The following RBMS2 variants were observed in gnomAD, a reference collection of about 807,000 sequenced individuals.
RBMS2 encodes the protein RNA binding motif single stranded interacting protein 2, also known as RNA-binding motif, single-stranded-interacting protein 2.
RBMS2 carries 38 observed loss-of-function variants against 58.4 expected under a neutral mutation model. The ratio of observed to expected loss-of-function variants is 0.65; its 90% CI spans 0.50 to 0.85. The LOEUF (loss-of-function observed/expected upper bound fraction) is 0.85, where lower values mean the gene tolerates loss of function less well. Ranked by LOEUF, RBMS2 falls within the 40% of genes least tolerant of loss-of-function variation. RBMS2 has a pLI of 0.00. For synonymous variants in RBMS2, 151 were observed against 180.7 expected, an observed-to-expected ratio of 0.84 and a Z score of 1.32; for missense variants, 367 against 503.7, an observed-to-expected ratio of 0.73 and a Z score of 2.60.
intron 1 of RBMS2, among the ~76,000 whole-genome samples, chr12:56,538,665 A>C: frequency 6.6e-6 from 1 of 151,484 alleles, no homozygotes; most frequent in African/African-American, 2.4e-5. Flanking sequence ...TATTTTTAGT[A>C]GAGATACGGT....
At chr12:56,580,636 A>G (rs1883816860) in intron 5 of RBMS2, among the ~76,000 whole-genome samples, 1 of 152,176 alleles carries the variant, frequency 6.6e-6, no homozygotes, top group Admixed American at 6.5e-5. Flanking sequence ...CTCCAACAAG[A>G]AACTAACTCA....
chr12:56,588,761 C>T (rs1364306386), intron 12 of RBMS2, 171 bp from the exon 13 acceptor site: 3 of 673,260 alleles, frequency 4.5e-6, no homozygotes, highest in African/African-American at 3.6e-5. Flanking sequence ...AGAGGACAGG[C>T]TGTAGGAAGG....
At position 56,592,134 on chromosome 12, in the gene RBMS2, G is replaced by T. The variant is rs552532720; in HGVS notation, c.*3001G>T. 5 of 152,326 alleles carry T rather than the reference G, an allele frequency of 3.3e-5. No homozygotes were observed. Among genetic ancestry groups the T allele is most frequent in the Admixed American group, 2.6e-4 (4 of 15,304 alleles). The allele number at this position is 152,326 out of a possible 1,614,324, so 9.4% of individuals were successfully genotyped here. A position where few individuals can be genotyped will look rare whatever the true frequency, so the allele number is the denominator to read the frequency against. On this transcript the variant is annotated 3_prime_UTR_variant, in exon 14 of 14. Transcript: ENST00000262031. ...GAAGGAAACATAGGGGAGCCTTCCAGCTCACAGCCAAGGGTTGGGCTCTTA... is the reference window on the plus strand; with the variant it reads ...GAAGGAAACATAGGGGAGCCTTCCATCTCACAGCCAAGGGTTGGGCTCTTA...
At chr12:56,562,379 G>A (rs745320664) in intron 1 of RBMS2, 38 bp from the exon 2 acceptor site, 1 of 1,546,802 alleles carries the variant, frequency 6.5e-7, no homozygotes. Flanking sequence ...ACATGTAAAT[G>A]GATAATCCTT....
At chr12:56,526,118 C>G (rs1024703662) in intron 1 of RBMS2, among the ~76,000 whole-genome samples, 1 of 151,590 alleles carries the variant, frequency 6.6e-6, no homozygotes, top group Non-Finnish European at 1.5e-5. Context: ...ACCAGCCTGG[C>G]CAACATGGTG....
chr12:56,543,748 A>G (rs1462091634), intron 1 of RBMS2, among the ~76,000 whole-genome samples: 1 of 150,902 alleles, frequency 6.6e-6, no homozygotes, highest in African/African-American at 2.4e-5. Flanking sequence ...GCTCACTGCA[A>G]CCTCCACCTC....
At chr12:56,565,367 T>A (rs965420402) in intron 2 of RBMS2, among the ~76,000 whole-genome samples, 1 of 152,220 alleles carries the variant, frequency 6.6e-6, no homozygotes, top group African/African-American at 2.4e-5. Context: ...GTTATTTTTT[T>A]AGTTTTTTTT....
At chr12:56,568,240 T>G (rs1881699145) in intron 2 of RBMS2, among the ~76,000 whole-genome samples, 1 of 151,328 alleles carries the variant, frequency 6.6e-6, no homozygotes. Flanking sequence ...TGTCTATAGT[T>G]TTTTCATAGG....
intron 1 of RBMS2, among the ~76,000 whole-genome samples, chr12:56,555,086 T>C (rs927979322): frequency 6.6e-6 from 1 of 151,900 alleles, no homozygotes; most frequent in Non-Finnish European, 1.5e-5. Flanking sequence ...AAAAAAAGAT[T>C]TAGGGCTTTG....
chr12:56,534,929 C>T (rs964202883), intron 1 of RBMS2, among the ~76,000 whole-genome samples: 3 of 152,202 alleles, frequency 2.0e-5, no homozygotes, highest in Non-Finnish European at 2.9e-5. Context: ...GCGTGAGACA[C>T]GGCGCCCAGC....
At chr12:56,586,997 G>A in intron 10 of RBMS2, 71 bp downstream of exon 10, 2 of 1,461,388 alleles carry the variant, frequency 1.4e-6, no homozygotes, top group Non-Finnish European at 1.9e-6. Context: ...TGGGCACTGT[G>A]GCTCACGCCT....
At chr12:56,569,354 A>G (rs1881908329) in intron 3 of RBMS2, among the ~76,000 whole-genome samples, 1 of 152,180 alleles carries the variant, frequency 6.6e-6, no homozygotes, top group Non-Finnish European at 1.5e-5. Context: ...AAAGTCATGT[A>G]AATGCCTTTT....
In RBMS2 at chr12:56,581,219, C is replaced by G; in HGVS notation, c.578C>G (p.Thr193Ser). 1 of 1,609,886 alleles carries G rather than the reference C, an allele frequency of 6.2e-7. No individual in the cohort carries two copies. Among genetic ancestry groups the G allele is most frequent in the Non-Finnish European group, 8.5e-7 (1 of 1,176,220 alleles). The change falls in exon 6 of 14, where the codon ACC (threonine) becomes AGC (serine). Residue 193 changes from threonine (T) to serine (S), a missense_variant. Coordinates refer to ENST00000262031, the MANE Select transcript of RBMS2 (RefSeq NM_002898.4). ...ESTEKCEAII[T>S]HFNGKYIKTP... Reference sequence around the variant, plus strand: ...ACAGAGAAGTGTGAAGCCATCATCACCCACTTTAATGGAAAATATATTAAG... The same window carrying G: ...ACAGAGAAGTGTGAAGCCATCATCAGCCACTTTAATGGAAAATATATTAAG...
intron 1 of RBMS2, among the ~76,000 whole-genome samples, chr12:56,523,560 C>T (rs745475225): frequency 7.9e-5 from 12 of 152,116 alleles, no homozygotes; most frequent in Non-Finnish European, 1.8e-4. Flanking sequence ...GGGTGGATCA[C>T]TTGAGGTCAG....
At position 56,581,814 on chromosome 12, in the gene RBMS2, CTG is replaced by C. The variant is rs771018607; in HGVS notation, c.733-15_733-14del. 125 of 1,613,492 alleles carry C rather than the reference CTG, an allele frequency of 7.7e-5. No individual in the cohort carries two copies. The highest frequency in any genetic ancestry group is 9.9e-5 in the Non-Finnish European group (117 of 1,179,530). On this transcript the variant is annotated splice_polypyrimidine_tract_variant and intron_variant, in intron 7 of 13. Coordinates refer to ENST00000262031, the MANE Select transcript of RBMS2 (RefSeq NM_002898.4). Reference sequence around the variant, plus strand: ...CACTCAAGGGCTCACAATGTGAACACTGTGTTCTTTCTTTATAGGGCGTCATG... The same window carrying C: ...CACTCAAGGGCTCACAATGTGAACACTGTTCTTTCTTTATAGGGCGTCATG...
At chr12:56,543,299 A>G (rs1342108626) in intron 1 of RBMS2, among the ~76,000 whole-genome samples, 1 of 151,562 alleles carries the variant, frequency 6.6e-6, no homozygotes, top group African/African-American at 2.4e-5. Flanking sequence ...CCTGGCCAAC[A>G]TGGTGAAACC....
At chr12:56,547,007 G>T (rs1199139541) in intron 1 of RBMS2, among the ~76,000 whole-genome samples, 1 of 152,046 alleles carries the variant, frequency 6.6e-6, no homozygotes, top group East Asian at 1.9e-4. Context: ...TAAAGTGATA[G>T]CTTGTTGTGA....
chr12:56,561,920 G>C (rs1880503618), intron 1 of RBMS2, among the ~76,000 whole-genome samples: 1 of 152,062 alleles, frequency 6.6e-6, no homozygotes, highest in Admixed American at 6.6e-5. Context: ...CCATTCTCCT[G>C]GCTCAGCCTC....
At chr12:56,586,761 C>A in intron 9 of RBMS2, 88 bp from the exon 10 acceptor site, 3 of 1,170,450 alleles carry the variant, frequency 2.6e-6, no homozygotes, top group Non-Finnish European at 3.8e-6. Context: ...GGCATTCAAA[C>A]TTTTCTGAGC....
Sources: allele counts gnomAD v4.1 joint callset (sites outside exome capture counted in the v4.1 genomes callset), GRCh38; gene constraint gnomAD v4.1.1; transcripts MANE v1.5; gene names NCBI Gene and HGNC (gene_info 2026-07-23, HGNC 2026-07-21).